The following OBI1 variants were observed in gnomAD, a reference collection of about 807,000 sequenced individuals.
The protein encoded by OBI1 is ORC ubiquitin ligase 1.
A neutral mutation model predicts 62.4 loss-of-function variants in OBI1; 59 were observed. The ratio of observed to expected loss-of-function variants is 0.95; its 90% CI spans 0.77 to 1.17. The LOEUF (loss-of-function observed/expected upper bound fraction) is 1.17. Among genes scored for constraint, OBI1 ranks in the 50% most tolerant of loss-of-function variants. The pLI is 0.00. For synonymous variants in OBI1, 302 were observed against 292.8 expected, an observed-to-expected ratio of 1.03 and a Z score of -0.32; for missense variants, 875 against 830.9, an observed-to-expected ratio of 1.05 and a Z score of -0.65.
At chr13:78,652,846 T>C (rs745858426) in intron 1 of OBI1, among the ~76,000 whole-genome samples, 4 of 152,180 alleles carry the variant, frequency 2.6e-5, no homozygotes, top group Non-Finnish European at 2.9e-5. Context: ...TGGTTCCTGA[T>C]AGGCCACTGA....
intron 5 of OBI1, among the ~76,000 whole-genome samples, chr13:78,620,842 A>C (rs1380787608): frequency 1.3e-5 from 2 of 152,252 alleles, no homozygotes; most frequent in Non-Finnish European, 2.9e-5. Flanking sequence ...ATGTGGTAAA[A>C]GAATACCACA....
chr13:78,656,841 A>G (rs1488987729), intron 1 of OBI1, among the ~76,000 whole-genome samples: 1 of 121,520 alleles, frequency 8.2e-6, no homozygotes, highest in African/African-American at 3.3e-5. Flanking sequence ...CTTGTTGCCC[A>G]GGCTGGAGTG....
intron 1 of OBI1, among the ~76,000 whole-genome samples, chr13:78,658,814 C>G (rs1002689914): frequency 6.6e-6 from 1 of 152,160 alleles, no homozygotes; most frequent in East Asian, 1.9e-4. Context: ...GCCGCCCTCC[C>G]GGCAGACCAC....
chr13:78,638,845 T>C lies in OBI1; in HGVS notation c.527A>G (p.Asp176Gly). 6.2e-7 allele frequency: 1 copy of C among 1,613,288 alleles called. No homozygotes were observed. Among genetic ancestry groups the C allele is most frequent in the Non-Finnish European group, 8.5e-7 (1 of 1,179,784 alleles). Residue 176 changes from aspartate (D) to glycine (G), a missense_variant, in exon 4 of 6, where the codon GAT becomes GGT. Transcript: ENST00000282003. ...TACCTCCTTTAGCTTATCCACATCA[T>C]CTTTCACTTTTTCATAGATTTCATT... ...TANEIYEKVKDDVDKLKEANK... is the reference protein window; with the variant it reads ...TANEIYEKVKGDVDKLKEANK...
chr13:78,658,545 C>A (rs1425922958), intron 1 of OBI1, among the ~76,000 whole-genome samples: 1 of 152,138 alleles, frequency 6.6e-6, no homozygotes. Flanking sequence ...ATCCTCAAGG[C>A]CAGGATAAAG....
intron 5 of OBI1, among the ~76,000 whole-genome samples, chr13:78,632,746 T>C (rs1875891522): frequency 1.3e-5 from 2 of 152,164 alleles, no homozygotes; most frequent in African/African-American, 4.8e-5. Context: ...CCACTAGGGT[T>C]TGGTGATGCA....
At chr13:78,617,244 A>G in intron 5 of OBI1, 122 bp from the exon 6 acceptor site, 3 of 672,994 alleles carry the variant, frequency 4.5e-6, no homozygotes, top group Non-Finnish European at 4.7e-6. Context: ...AGACCACTCA[A>G]TGAGTAGGGC....
chr13:78,640,682 C>G (rs755493994), intron 3 of OBI1, among the ~76,000 whole-genome samples: 126 of 152,044 alleles, frequency 8.3e-4, no homozygotes, highest in Admixed American at 1.4e-3. Flanking sequence ...CACCGGCAGT[C>G]CCAGCTACTT....
chr13:78,647,270 G>T (rs1171630392), intron 1 of OBI1, among the ~76,000 whole-genome samples: 2 of 152,226 alleles, frequency 1.3e-5, no homozygotes, highest in Admixed American at 1.3e-4. Flanking sequence ...TTGCAGTTGA[G>T]ATAAGAGGAA....
intron 2 of OBI1, among the ~76,000 whole-genome samples, chr13:78,644,632 C>T (rs1465831424): frequency 6.6e-6 from 1 of 152,014 alleles, no homozygotes; most frequent in Non-Finnish European, 1.5e-5. Context: ...GGTTCAGTTG[C>T]TATGAAAATG....
intron 1 of OBI1, among the ~76,000 whole-genome samples, chr13:78,658,106 A>G (rs1277684017): frequency 6.6e-6 from 1 of 152,194 alleles, no homozygotes; most frequent in Admixed American, 6.5e-5. Flanking sequence ...CCGGCACTCA[A>G]ATGCTTGCTC....
intron 3 of OBI1, among the ~76,000 whole-genome samples, chr13:78,639,854 AG>A (rs1347127426): frequency 1.6e-4 from 14 of 86,240 alleles, no homozygotes; most frequent in Admixed American, 7.7e-4. Flanking sequence ...GGGTGGGGGG[AG>A]GGGGGAGGGA....
intron 5 of OBI1, among the ~76,000 whole-genome samples, chr13:78,632,723 T>G (rs577213152): frequency 1.3e-5 from 2 of 152,312 alleles, no homozygotes; most frequent in Admixed American, 6.5e-5. Context: ...TGTGGTCAGC[T>G]TCTCTCTGAA....
intron 5 of OBI1, among the ~76,000 whole-genome samples, chr13:78,631,317 GT>G (rs1875841521): frequency 6.6e-6 from 1 of 152,152 alleles, no homozygotes; most frequent in Non-Finnish European, 1.5e-5. Context: ...ATTATTAGCA[GT>G]TGTGACATTT....
At position 78,638,866 on chromosome 13, in the gene OBI1, T is replaced by C; in HGVS notation, c.506A>G (p.Glu169Gly). The change falls in exon 4 of 6, where the codon GAA becomes GGA. Residue 169 changes from glutamate (E) to glycine (G), a missense_variant. Glu to Gly is a moderately conservative substitution (Grantham distance 98). Coordinates refer to ENST00000282003, the MANE Select transcript of OBI1 (RefSeq NM_024546.4). ...EWKKKLRTANEIYEKVKDDVD... is the reference protein window; with the variant it reads ...EWKKKLRTANGIYEKVKDDVD... ...ATCATCTTTCACTTTTTCATAGATT[T>C]CATTAGCTGTTCTGAGTTTTTTCTT... 3 of 1,613,816 alleles carry C rather than the reference T, an allele frequency of 1.9e-6. No individual in the cohort carries two copies. The highest frequency in any genetic ancestry group is 1.7e-6 in the Non-Finnish European group (2 of 1,179,914).
chr13:78,638,943 A>G lies in OBI1; in HGVS notation c.429T>C (p.His143=). The stretch of plus-strand genomic sequence containing the variant: ...TTTTACTTGGATTATCTGTGACTAG[A>G]TGTTTGTCTTCATTTTGGTTGCCCT... ...LVQGNQNEDK[H]LVTDNPSKIN... The change falls in exon 4 of 6, where the codon CAT becomes CAC. Residue 143 remains histidine, a synonymous_variant. Transcript: ENST00000282003. 1.9e-6 allele frequency: 3 copies of G among 1,613,912 alleles called. No homozygotes were observed. Among genetic ancestry groups the G allele is most frequent in the Non-Finnish European group, 2.5e-6 (3 of 1,179,958 alleles).
chr13:78,638,226 T>A (rs1004479319), intron 4 of OBI1, among the ~76,000 whole-genome samples: 7 of 152,146 alleles, frequency 4.6e-5, no homozygotes, highest in Admixed American at 4.6e-4. Context: ...CCTAGAGGTT[T>A]GCCTTTTTCA....
chr13:78,624,841 A>T (rs191139424), intron 5 of OBI1, among the ~76,000 whole-genome samples: 1 of 152,240 alleles, frequency 6.6e-6, no homozygotes, highest in African/African-American at 2.4e-5. Context: ...CAATTGGAAC[A>T]TGGTCTCTGG....
intron 1 of OBI1, among the ~76,000 whole-genome samples, chr13:78,654,071 T>C (rs1026453463): frequency 1.2e-4 from 17 of 147,692 alleles, no homozygotes; most frequent in Non-Finnish European, 2.4e-4. Flanking sequence ...AGTCACTTAA[T>C]GCCTATAGAA....
Sources: allele counts gnomAD v4.1 joint callset (sites outside exome capture counted in the v4.1 genomes callset), GRCh38; gene constraint gnomAD v4.1.1; transcripts MANE v1.5; gene names NCBI Gene and HGNC (gene_info 2026-07-23, HGNC 2026-07-21).